Variants in ANKRD12 observed in about 807,000 individuals in gnomAD.
ANKRD12 encodes the protein ankyrin repeat domain-containing protein 12.
In ANKRD12, 85 loss-of-function variants were observed where a neutral mutation model predicts 183.4. The observed-to-expected ratio is 0.46, with a 90% CI of 0.39 to 0.56. The LOEUF (loss-of-function observed/expected upper bound fraction) is 0.56, where lower values mean the gene tolerates loss of function less well. Among genes scored for constraint, ANKRD12 ranks in the 20% least tolerant of loss-of-function variants. The probability of loss-of-function intolerance (pLI) is 0.00; values close to 1 mark genes in which losing one functional copy is unlikely to be tolerated. For synonymous variants in ANKRD12, 914 were observed against 800.2 expected, an observed-to-expected ratio of 1.14 and a Z score of -2.40; for missense variants, 2,405 against 2,357.1, an observed-to-expected ratio of 1.02 and a Z score of -0.42.
chr18:9,190,698 C>T (rs1170878401), intron 2 of ANKRD12, among the ~76,000 whole-genome samples: 3 of 152,166 alleles, frequency 2.0e-5, no homozygotes, highest in Admixed American at 1.3e-4. Flanking sequence ...AGACCCTCCA[C>T]CAGCAAAGAG....
rs75820982 is a variant in ANKRD12, at chr18:9,180,042, A to G, written c.-51-2340A>G. ...TAATCCTTGCTGATGTTATGTCAAT[A>G]AAAAGTATAATAGTTGAAGCCTCCA... is the stretch of plus-strand genomic sequence containing the variant. On this transcript the variant is annotated intron_variant, in intron 1 of 12. Coordinates refer to ENST00000262126, the MANE Select transcript of ANKRD12 (RefSeq NM_015208.5). 3.4e-3 allele frequency among the ~76,000 whole-genome samples: 520 copies of G among 152,310 alleles called. 1 individual carries two copies. Among genetic ancestry groups the G allele is most frequent in the Middle Eastern group, 6.8e-3 (2 of 294 alleles).
chr18:9,247,437 C>T (rs2038027242), intron 8 of ANKRD12, among the ~76,000 whole-genome samples: 1 of 152,024 alleles, frequency 6.6e-6, no homozygotes, highest in Non-Finnish European at 1.5e-5. Context: ...TGCGATCGTG[C>T]CACTGCACTC....
At chr18:9,250,648 A>C (rs1259839492) in intron 8 of ANKRD12, among the ~76,000 whole-genome samples, 1 of 152,074 alleles carries the variant, frequency 6.6e-6, no homozygotes, top group African/African-American at 2.4e-5. Context: ...GAGCCCAGGT[A>C]GGAGGCTGCA....
intron 1 of ANKRD12, among the ~76,000 whole-genome samples, chr18:9,157,579 G>GTATATATATATATATATATA (rs1337373504): frequency 9.6e-5 from 11 of 114,206 alleles, no homozygotes; most frequent in East Asian, 6.5e-4. Context: ...GTGTGTGTGT[G>GTATATATATATATATATATA]TGTGTGTATA....
Position 9,256,593 on chromosome 18 carries a change from G to A in ANKRD12, c.3326G>A (p.Arg1109Gln), listed in dbSNP as rs777798770. Residue 1109 changes from arginine (R) to glutamine (Q), a missense_variant, in exon 9 of 13, where the codon CGG (arginine) becomes CAG (glutamine). By Grantham distance (43) the Arg-to-Gln change is conservative. Coordinates refer to ENST00000262126, the MANE Select transcript of ANKRD12 (RefSeq NM_015208.5). ...AAAATTAAGCAAAAAGAAAAGGAAC[G>A]GTTGAGAAACCGAAACTGTTTAGAA... is the stretch of plus-strand genomic sequence containing the variant. The part of the protein sequence containing the change: ...KEKIKQKEKE[R>Q]LRNRNCLELK... The A allele has an allele frequency of 4.4e-6, 7 of 1,601,014 alleles. No individual in the cohort carries two copies. In the East Asian group the frequency reaches 1.1e-4, roughly 26 times the overall value.
intron 1 of ANKRD12, among the ~76,000 whole-genome samples, chr18:9,165,516 C>G (rs185387994): frequency 2.7e-4 from 41 of 152,226 alleles, no homozygotes; most frequent in African/African-American, 9.6e-4. Flanking sequence ...TCTGCATTCC[C>G]TCTCCCTGAG....
chr18:9,282,734 C>T lies in ANKRD12; in HGVS notation c.*1608C>T, dbSNP rs978691801. On this transcript the variant is annotated 3_prime_UTR_variant, in exon 13 of 13. Coordinates refer to ENST00000262126, the MANE Select transcript of ANKRD12 (RefSeq NM_015208.5). ...GTGATCTAGTGCAAGTTGGTAATTC[C>T]AGCTAATGGGAGAGAATGTAAATGT... 1.3e-5 allele frequency: 2 copies of T among 152,322 alleles called. No homozygotes were observed. The highest frequency in any genetic ancestry group is 2.4e-5 in the African/African-American group (1 of 41,334). The allele number at this position is 152,322 out of a possible 1,614,324, so 9.4% of individuals were successfully genotyped here. A position where few individuals can be genotyped will look rare whatever the true frequency, so the allele number is the denominator to read the frequency against.
intron 7 of ANKRD12, among the ~76,000 whole-genome samples, chr18:9,220,832 G>C (rs1486459650): frequency 1.3e-5 from 2 of 152,156 alleles, no homozygotes; most frequent in Admixed American, 6.5e-5. Context: ...ACATGAGAGA[G>C]TATATCAAGG....
chr18:9,157,311 T>G (rs191099622), intron 1 of ANKRD12, among the ~76,000 whole-genome samples: 54 of 152,136 alleles, frequency 3.5e-4, no homozygotes, highest in African/African-American at 1.2e-3. Context: ...ATCTCGTGGT[T>G]GTTTACCCCT....
At position 9,221,918 on chromosome 18, in the gene ANKRD12, G is replaced by C; in HGVS notation, c.862G>C (p.Val288Leu). The change falls in exon 8 of 13, where the codon GTG becomes CTG. Residue 288 changes from valine to leucine, a missense_variant. Physicochemically the swap from Val to Leu is conservative, Grantham distance 32 (BLOSUM62 1). Coordinates refer to ENST00000262126, the MANE Select transcript of ANKRD12 (RefSeq NM_015208.5). ...FQANKHGERPVDVAETEELEL... is the reference protein window; with the variant it reads ...FQANKHGERPLDVAETEELEL... The stretch of plus-strand genomic sequence containing the variant: ...AGCTAATAAACATGGGGAGCGTCCA[G>C]TGGATGTAGCAGAAACAGAGGAGTT... The C allele has an allele frequency of 1.9e-6, 3 of 1,614,076 alleles. No homozygotes were observed. Among genetic ancestry groups the C allele is most frequent in the Non-Finnish European group, 2.5e-6 (3 of 1,179,946 alleles).
chr18:9,177,416 CAT>C (rs1448094391), intron 1 of ANKRD12, among the ~76,000 whole-genome samples: 1 of 70,796 alleles, frequency 1.4e-5, no homozygotes, highest in Admixed American at 1.4e-4. Context: ...GGTGACATCT[CAT>C]TTTTTTATTT....
At position 9,255,565 on chromosome 18, in the gene ANKRD12, A is replaced by C; in HGVS notation, c.2298A>C (p.Lys766Asn). 1 of 1,570,686 alleles carries C rather than the reference A, an allele frequency of 6.4e-7. No homozygotes were observed. Among genetic ancestry groups the C allele is most frequent in the Non-Finnish European group, 8.6e-7 (1 of 1,168,776 alleles). ...KESEKSFREE[K>N]IKDLKEEREN... Reference sequence around the variant, plus strand: ...GCGAGAAATCTTTTAGGGAGGAAAAAATAAAAGATCTAAAAGAAGAGAGAG... The same window carrying C: ...GCGAGAAATCTTTTAGGGAGGAAAACATAAAAGATCTAAAAGAAGAGAGAG... Residue 766 changes from lysine (K) to asparagine (N), a missense_variant, in exon 9 of 13, where the codon AAA becomes AAC. This residue lies in a region of ANKRD12 where 1,983 missense variants were observed against 1,725.9 expected (regional missense o/e 1.15). Coordinates refer to ENST00000262126, the MANE Select transcript of ANKRD12 (RefSeq NM_015208.5).
chr18:9,165,160 G>T (rs1334216571), intron 1 of ANKRD12, among the ~76,000 whole-genome samples: 1 of 151,998 alleles, frequency 6.6e-6, no homozygotes, highest in East Asian at 1.9e-4. Context: ...GATGTCGTTT[G>T]TCTTTTTTTG....
Position 9,216,747 on chromosome 18 carries a change from T to G in ANKRD12, c.653-11T>G. On this transcript the variant is annotated splice_polypyrimidine_tract_variant and intron_variant, in intron 6 of 12. Coordinates refer to ENST00000262126, the MANE Select transcript of ANKRD12 (RefSeq NM_015208.5). ...CAAGTGAATCATGTTAAATTAATAA[T>G]CTAACTTTAGGTTGGACACCACTGC... 6.2e-7 allele frequency: 1 copy of G among 1,609,972 alleles called. No homozygotes were observed. Among genetic ancestry groups the G allele is most frequent in the Non-Finnish European group, 8.5e-7 (1 of 1,178,194 alleles).
chr18:9,227,969 C>T (rs940303453), intron 8 of ANKRD12, among the ~76,000 whole-genome samples: 4 of 152,172 alleles, frequency 2.6e-5, no homozygotes, highest in Non-Finnish European at 5.9e-5. Context: ...ATCCCCTTCC[C>T]ATTCTCTGGT....
chr18:9,149,456 T>A (rs2078605751), intron 1 of ANKRD12, among the ~76,000 whole-genome samples: 1 of 152,158 alleles, frequency 6.6e-6, no homozygotes, highest in Non-Finnish European at 1.5e-5. Flanking sequence ...AAAGCGATGG[T>A]TGGGGGAGAT....
rs190318352 is a variant in ANKRD12 at position 9,151,714 on chromosome 18, G to A, written c.-52+14749G>A. On this transcript the variant is annotated intron_variant, in intron 1 of 12. Coordinates refer to ENST00000262126, the MANE Select transcript of ANKRD12 (RefSeq NM_015208.5). ...AAGCGTTTTTGCCCTGAAAGCGGCT[G>A]CAGCTCAGTGGAAGCTGGAACTGAA... 5.5e-3 allele frequency among the ~76,000 whole-genome samples: 833 copies of A among 152,292 alleles called. 5 individuals are homozygous for A. The highest frequency in any genetic ancestry group is 0.019 in the African/African-American group (802 of 41,550).
intron 8 of ANKRD12, among the ~76,000 whole-genome samples, chr18:9,251,449 TATTTAAATGC>T (rs2145132435): frequency 6.6e-6 from 1 of 152,342 alleles, no homozygotes; most frequent in Admixed American, 6.5e-5. Context: ...CTTTCAAATG[TATTTAAATGC>T]ATTTAAATAA....
intron 8 of ANKRD12, among the ~76,000 whole-genome samples, chr18:9,247,049 T>TA (rs749596644): frequency 7.2e-5 from 11 of 152,214 alleles, no homozygotes; most frequent in Non-Finnish European, 1.5e-4. Context: ...TTGATTTAAT[T>TA]ACACCTATTT....
Sources: allele counts gnomAD v4.1 joint callset (sites outside exome capture counted in the v4.1 genomes callset), GRCh38; gene constraint gnomAD v4.1.1; regional missense constraint gnomAD v4.1.1; transcripts MANE v1.5; gene names NCBI Gene and HGNC (gene_info 2026-07-23, HGNC 2026-07-21).